ADCY7: variants seen among roughly 807,000 people sequenced by gnomAD.
The protein encoded by ADCY7 is adenylate cyclase 7.
A neutral mutation model predicts 120.6 loss-of-function variants in ADCY7; 72 were observed. The observed-to-expected ratio is 0.60, with a 90% confidence interval of 0.49 to 0.73. The LOEUF (loss-of-function observed/expected upper bound fraction) is 0.73. Ranked by LOEUF, ADCY7 falls within the 30% of genes least tolerant of loss-of-function variation. The pLI is 0.00. For missense variants in ADCY7, 1,227 were observed against 1,486.0 expected, an observed-to-expected ratio of 0.83 and a Z score of 2.87; for synonymous variants, 661 against 628.0, an observed-to-expected ratio of 1.05 and a Z score of -0.78.
rs1291797133 is a variant in ADCY7 at position 50,316,277 on chromosome 16, A to C, written c.*772A>C. On this transcript the variant is annotated 3_prime_UTR_variant, in exon 26 of 26. Coordinates refer to ENST00000673801, the MANE Select transcript of ADCY7 (RefSeq NM_001114.5). Reference sequence around the variant, plus strand: ...TGGCTGTGGGGATAGAGTCCTGAGGAATGTGGTCACAGCAAGAAGGCGGGG... The same window carrying C: ...TGGCTGTGGGGATAGAGTCCTGAGGCATGTGGTCACAGCAAGAAGGCGGGG... 6.6e-6 allele frequency: 1 copy of C among 152,346 alleles called. No homozygotes were observed. Among genetic ancestry groups the C allele is most frequent in the Non-Finnish European group, 1.5e-5 (1 of 68,052 alleles). 9.4% of individuals were successfully genotyped at this position (152,346 alleles called of 1,614,324 possible). A position where few individuals can be genotyped will look rare whatever the true frequency, so the allele number is the denominator to read the frequency against.
At chr16:50,274,454 A>C (rs953995303) in intron 1 of ADCY7, among the ~76,000 whole-genome samples, 1 of 7,942 alleles carries the variant, frequency 1.3e-4, no homozygotes, top group African/African-American at 5.2e-4. Context: ...TTGGTGGGGG[A>C]GGCTGGGTGG....
intron 1 of ADCY7, among the ~76,000 whole-genome samples, chr16:50,287,655 G>A (rs1264856595): frequency 6.6e-6 from 1 of 151,050 alleles, no homozygotes; most frequent in Non-Finnish European, 1.5e-5. Flanking sequence ...ACTCCAGCCT[G>A]GGCAACAGAG....
chr16:50,280,053 G>A (rs770405432), intron 1 of ADCY7, among the ~76,000 whole-genome samples: 21 of 152,236 alleles, frequency 1.4e-4, no homozygotes, highest in Middle Eastern at 3.4e-3. Context: ...GTAGAATTCA[G>A]CTGTGAATCC....
intron 3 of ADCY7, 147 bp downstream of exon 3, chr16:50,290,807 T>C: frequency 1.2e-6 from 1 of 847,892 alleles, no homozygotes; most frequent in Non-Finnish European, 1.8e-6. Flanking sequence ...GTGAGTTCTC[T>C]GCATTGACAG....
intron 1 of ADCY7, among the ~76,000 whole-genome samples, chr16:50,286,373 C>T (rs1260105920): frequency 3.6e-5 from 5 of 139,810 alleles, no homozygotes; most frequent in Admixed American, 7.5e-5. Flanking sequence ...GAGGCTGCAG[C>T]GGGCTATGAT....
rs146165215 is a variant in ADCY7, at chr16:50,311,927, G to A, written c.2449-109G>A. 6.3e-5 allele frequency: 96 copies of A among 1,534,478 alleles called. No individual in the cohort carries two copies. The Middle Eastern group carries it at 2.0e-3, about 33-fold the overall frequency. ...CTGCCAGGAAAGCACTGGTCCCCTG[G>A]CCAGAGGCTCCAAGGACGCCAGGGA... On this transcript the variant is annotated intron_variant, in intron 20 of 25. Coordinates refer to ENST00000673801, the MANE Select transcript of ADCY7 (RefSeq NM_001114.5).
At chr16:50,253,780 G>GTGAGGTGGGT (rs2032829224) in intron 1 of ADCY7, among the ~76,000 whole-genome samples, 1 of 152,230 alleles carries the variant, frequency 6.6e-6, no homozygotes, top group Non-Finnish European at 1.5e-5. Flanking sequence ...AGCTCCTGTG[G>GTGAGGTGGGT]TGAGGTGGGT....
intron 1 of ADCY7, among the ~76,000 whole-genome samples, chr16:50,285,766 A>G (rs1433312408): frequency 1.3e-5 from 2 of 152,154 alleles, no homozygotes. Context: ...CCAAGTCCCC[A>G]TTGCTGTGTG....
Position 50,301,151 on chromosome 16 carries a change from G to A in ADCY7, c.1305G>A (p.Gly435=), listed in dbSNP as rs764445707. 2 of 1,613,572 alleles carry A rather than the reference G, an allele frequency of 1.2e-6. No homozygotes were observed. The highest frequency in any genetic ancestry group is 2.2e-5 in the East Asian group (1 of 44,878). The change falls in exon 10 of 26, where the codon GGG becomes GGA. Residue 435 remains glycine, a synonymous_variant. Coordinates refer to ENST00000673801, the MANE Select transcript of ADCY7 (RefSeq NM_001114.5). Reference sequence around the variant, plus strand: ...CGTACGAGGTGGAGGATGGGCACGGGCAGCAGCGGGACCCCTACCTCAAGG... The same window carrying A: ...CGTACGAGGTGGAGGATGGGCACGGACAGCAGCGGGACCCCTACCTCAAGG... ...DKAYEVEDGH[G]QQRDPYLKEM... is the part of the protein sequence containing the mutation.
At chr16:50,302,968 G>C (rs1221323657) in intron 10 of ADCY7, among the ~76,000 whole-genome samples, 1 of 152,224 alleles carries the variant, frequency 6.6e-6, no homozygotes, top group African/African-American at 2.4e-5. Flanking sequence ...CTGTGGACTG[G>C]ATGGTGGCTG....
chr16:50,311,810 CCCCCCA>C lies in ADCY7; in HGVS notation c.2448+25_2448+30del, dbSNP rs2036490877. 1.3e-5 allele frequency: 17 copies of C among 1,342,980 alleles called. 1 individual carries two copies. The African/African-American group carries it at 1.9e-4, about 15-fold the overall frequency. The allele number at this position is 1,342,980 out of a possible 1,614,324, so 83.2% of individuals were successfully genotyped here. On this transcript the variant is annotated intron_variant, in intron 20 of 25. Transcript: ENST00000673801. ...AGGTAAGGAGGCTGGCCCCCCCCCC[CCCCCCA>C]AGCTCTGCCCACTTTTCCTCACCTC...
chr16:50,294,954 A>C (rs1164605662), intron 7 of ADCY7, among the ~76,000 whole-genome samples: 1 of 152,114 alleles, frequency 6.6e-6, no homozygotes, highest in African/African-American at 2.4e-5. Context: ...GTGCCCCCAG[A>C]GTGACAGGCC....
At position 50,290,438 on chromosome 16, in the gene ADCY7, G is replaced by C; in HGVS notation, c.172-19G>C. 4 of 1,613,910 alleles carry C rather than the reference G, an allele frequency of 2.5e-6. No homozygotes were observed. Among genetic ancestry groups the C allele is most frequent in the South Asian group, 1.1e-5 (1 of 91,050 alleles). On this transcript the variant is annotated intron_variant, in intron 2 of 25. Transcript: ENST00000673801. ...CACTGGGGAAAGCCGAGGCATTCCT[G>C]TCTGTTTGCTCCACCCAGGACCCCT...
chr16:50,294,806 C>A, intron 7 of ADCY7, 55 bp downstream of exon 7: 2 of 1,271,842 alleles, frequency 1.6e-6, no homozygotes, highest in Non-Finnish European at 2.3e-6. Flanking sequence ...GCCTATTACA[C>A]CCCAGGGGTG....
upstream of ADCY7, among the ~76,000 whole-genome samples, chr16:50,261,553 C>A (rs949719519): frequency 6.6e-6 from 1 of 152,136 alleles, no homozygotes. Context: ...GGGTTTAGAG[C>A]GGGGAGAACG....
rs1040155347 is a variant in ADCY7 at position 50,314,368 on chromosome 16, T to C, written c.2933T>C (p.Ile978Thr). The C allele has an allele frequency of 1.2e-6, 2 of 1,613,986 alleles. No homozygotes were observed. Among genetic ancestry groups the C allele is most frequent in the Non-Finnish European group, 1.7e-6 (2 of 1,180,032 alleles). Residue 978 changes from isoleucine (I) to threonine (T), a missense_variant, in exon 24 of 26, where the codon ATC becomes ACC. Physicochemically the swap from Ile to Thr is moderately conservative, Grantham distance 89. This residue lies in a region of ADCY7 where 244 missense variants were observed against 332.8 expected (regional missense o/e 0.73). Coordinates refer to ENST00000673801, the MANE Select transcript of ADCY7 (RefSeq NM_001114.5). ...GCCCTGATGAGTAAGCTGGACGGCATCAACAGGCACTCCTTCAACTCCTTC... is the reference window on the plus strand; with the variant it reads ...GCCCTGATGAGTAAGCTGGACGGCACCAACAGGCACTCCTTCAACTCCTTC... The part of the protein sequence containing the change: ...SIALMSKLDG[I>T]NRHSFNSFRL...
At chr16:50,260,251 C>G (rs1231165138) in intron 1 of ADCY7, among the ~76,000 whole-genome samples, 1 of 152,202 alleles carries the variant, frequency 6.6e-6, no homozygotes, top group Non-Finnish European at 1.5e-5. Context: ...GTGGTCCTTG[C>G]CCTCAGCCAG....
intron 1 of ADCY7, among the ~76,000 whole-genome samples, chr16:50,281,328 G>A (rs2150903323): frequency 6.6e-6 from 1 of 152,380 alleles, no homozygotes; most frequent in African/African-American, 2.4e-5. Flanking sequence ...CTGGGATTGG[G>A]TGCAGGCATC....
upstream of ADCY7, among the ~76,000 whole-genome samples, chr16:50,265,367 C>T (rs2033174383): frequency 6.6e-6 from 1 of 151,690 alleles, no homozygotes; most frequent in African/African-American, 2.4e-5. Flanking sequence ...AGCCTGGAAC[C>T]CTGTGTGAGT....
Sources: gnomAD v4.1 joint callset for allele counts (sites outside exome capture counted in the v4.1 genomes callset) on GRCh38, gnomAD v4.1.1 for gene constraint, gnomAD v4.1.1 regional missense constraint, MANE v1.5 for transcripts, NCBI Gene and HGNC (gene_info 2026-07-23, HGNC 2026-07-21) for gene names.